Variants in DAB1 observed in about 807,000 individuals in gnomAD.
DAB1 encodes the protein DAB adaptor protein 1.
In DAB1, 15 loss-of-function variants were observed where a neutral mutation model predicts 64.6. The observed-to-expected ratio is 0.23, with a 90% CI of 0.16 to 0.36. DAB1 has a LOEUF of 0.36. Among genes scored for constraint, DAB1 ranks in the 10% least tolerant of loss-of-function variants. DAB1 has a pLI of 1.00. For synonymous variants in DAB1, 235 were observed against 251.9 expected (o/e 0.93, Z 0.64); for missense variants, 596 against 706.7 (o/e 0.84, Z 1.78).
At chr1:57,766,989 T>C (rs1280954467) in intron 6 of DAB1, among the ~76,000 whole-genome samples, 1 of 152,150 alleles carries the variant, frequency 6.6e-6, no homozygotes, top group Non-Finnish European at 1.5e-5. Context: ...GAACAAGGTA[T>C]GGTGGGAGGG....
chr1:57,294,983 G>C (rs1673068960), intron 1 of DAB1, among the ~76,000 whole-genome samples: 2 of 152,120 alleles, frequency 1.3e-5, no homozygotes, highest in Admixed American at 6.5e-5. Context: ...AAAATATGTT[G>C]CATACTGTAT....
intron 3 of DAB1, among the ~76,000 whole-genome samples, chr1:58,504,261 T>TC (rs1645951916): frequency 6.6e-6 from 1 of 152,196 alleles, no homozygotes; most frequent in African/African-American, 2.4e-5. Flanking sequence ...GAACTGTTCT[T>TC]CCCTTCCCTT....
intron 5 of DAB1, among the ~76,000 whole-genome samples, chr1:57,903,616 A>G (rs1403501053): frequency 6.6e-6 from 1 of 152,188 alleles, no homozygotes; most frequent in African/African-American, 2.4e-5. Context: ...AGTCACAAGG[A>G]GGAATCAGAA....
intron 1 of DAB1, among the ~76,000 whole-genome samples, chr1:57,332,997 G>A (rs575324964): frequency 3.3e-5 from 5 of 152,218 alleles, no homozygotes; most frequent in Admixed American, 6.5e-5. Context: ...TGCTCTTTGC[G>A]TGGCTGTTTC....
intron 7 of DAB1, among the ~76,000 whole-genome samples, chr1:57,532,013 A>C (rs1277676396): frequency 6.6e-6 from 1 of 152,154 alleles, no homozygotes; most frequent in Non-Finnish European, 1.5e-5. Flanking sequence ...TTTTCAGTAT[A>C]ATTTATTTAA....
intron 7 of DAB1, among the ~76,000 whole-genome samples, chr1:57,457,778 A>G (rs1445594931): frequency 6.6e-6 from 1 of 152,158 alleles, no homozygotes; most frequent in Non-Finnish European, 1.5e-5. Context: ...TTAAACTCCC[A>G]AGAAAGAAAG....
intron 7 of DAB1, among the ~76,000 whole-genome samples, chr1:57,431,118 A>C (rs12070772): frequency 0.032 from 4,747 of 150,052 alleles, 251 homozygotes; most frequent in African/African-American, 0.11. Context: ...CAGGTGAAGC[A>C]AGAAAAAGTA....
intron 4 of DAB1, among the ~76,000 whole-genome samples, chr1:58,216,191 C>T (rs1024295530): frequency 2.0e-5 from 3 of 152,058 alleles, no homozygotes; most frequent in Admixed American, 6.6e-5. Context: ...GCCCCCACCC[C>T]CCAACAGGCC....
intron 1 of DAB1, among the ~76,000 whole-genome samples, chr1:57,298,097 T>C (rs574320768): frequency 4.6e-5 from 7 of 152,338 alleles, no homozygotes; most frequent in Non-Finnish European, 1.0e-4. Flanking sequence ...TTCCTGGGAC[T>C]ATGTCATTAA....
chr1:58,373,169 C>A (rs1277561674), intron 3 of DAB1, among the ~76,000 whole-genome samples: 1 of 138,710 alleles, frequency 7.2e-6, no homozygotes, highest in Non-Finnish European at 1.6e-5. Context: ...TTACTATTTT[C>A]TTTTTTTTTT....
At chr1:57,057,710 C>T (rs533468040) in intron 9 of DAB1, among the ~76,000 whole-genome samples, 246 of 151,662 alleles carry the variant, frequency 1.6e-3, no homozygotes, top group South Asian at 7.3e-3. Flanking sequence ...CGGGTTCACA[C>T]CATTCTCCTG....
intron 14 of DAB1, among the ~76,000 whole-genome samples, chr1:57,001,057 G>A (rs1645843268): frequency 6.6e-6 from 1 of 152,298 alleles, no homozygotes; most frequent in African/African-American, 2.4e-5. Context: ...AAAACCCCCA[G>A]CAGCAGATAA....
At chr1:58,382,360 T>A (rs1644397039) in intron 3 of DAB1, among the ~76,000 whole-genome samples, 1 of 152,176 alleles carries the variant, frequency 6.6e-6, no homozygotes, top group Non-Finnish European at 1.5e-5. Context: ...CAGCATAAGC[T>A]ACAGTTGTTC....
In DAB1 at chr1:58,156,480, A is replaced by G. The variant is rs549392655; in HGVS notation, n.310-5892T>C. Reference sequence around the variant, plus strand: ...ACTCACTTGTAGACTCAATGGAGCAATTCAGGGTGTTTTTTGTTCCACAAG... The same window carrying G: ...ACTCACTTGTAGACTCAATGGAGCAGTTCAGGGTGTTTTTTGTTCCACAAG... On this transcript the variant is annotated intron_variant and non_coding_transcript_variant, in intron 4 of 20. Coordinates refer to the DAB1 transcript ENST00000485760. 2.6e-5 allele frequency among the ~76,000 whole-genome samples: 4 copies of G among 152,310 alleles called. No homozygotes were observed. In the South Asian group the frequency reaches 8.3e-4, roughly 32 times the overall value.
intron 5 of DAB1, among the ~76,000 whole-genome samples, chr1:58,101,045 G>A (rs111677943): frequency 6.6e-6 from 1 of 152,152 alleles, no homozygotes; most frequent in Admixed American, 6.5e-5. Context: ...AGCCGGGCGC[G>A]GTGGCTCACA....
chr1:57,436,394 C>G (rs371353987), intron 7 of DAB1, among the ~76,000 whole-genome samples: 3 of 152,230 alleles, frequency 2.0e-5, no homozygotes, highest in Admixed American at 2.0e-4. Context: ...AAGAGCTGCG[C>G]GTTTCAATAT....
At chr1:58,516,606 T>C (rs1646161263) in intron 2 of DAB1, among the ~76,000 whole-genome samples, 1 of 152,164 alleles carries the variant, frequency 6.6e-6, no homozygotes, top group Admixed American at 6.5e-5. Context: ...AAATCACTCA[T>C]AGCCAGTAGC....
At chr1:57,335,484 C>A (rs1426361590) in intron 1 of DAB1, among the ~76,000 whole-genome samples, 1 of 152,182 alleles carries the variant, frequency 6.6e-6, no homozygotes, top group African/African-American at 2.4e-5. Context: ...TGAACATCCC[C>A]TTTCATTGTC....
intron 7 of DAB1, among the ~76,000 whole-genome samples, chr1:57,434,329 G>A (rs1685613450): frequency 6.6e-6 from 1 of 152,142 alleles, no homozygotes; most frequent in South Asian, 2.1e-4. Flanking sequence ...ACTGACATAT[G>A]CAGCAATATG....
Sources: gnomAD v4.1 joint callset for allele counts (sites outside exome capture counted in the v4.1 genomes callset) on GRCh38, gnomAD v4.1.1 for gene constraint, MANE v1.5 for transcripts, NCBI Gene and HGNC (gene_info 2026-07-23, HGNC 2026-07-21) for gene names.